The following ATP10B variants were observed in gnomAD, a reference collection of about 807,000 sequenced individuals.
The protein encoded by ATP10B is phospholipid-transporting ATPase VB.
ATP10B carries 122 observed loss-of-function variants against 141.2 expected under a neutral mutation model. The ratio of observed to expected loss-of-function variants is 0.86; its 90% CI spans 0.75 to 1.00. The LOEUF (loss-of-function observed/expected upper bound fraction) is 1.00, where lower values mean the gene tolerates loss of function less well. Among genes scored for constraint, ATP10B ranks in the 50% least tolerant of loss-of-function variants. The pLI is 0.00. For synonymous variants in ATP10B, 685 were observed against 692.0 expected (o/e 0.99, Z 0.16); for missense variants, 1,876 against 1,825.3 (o/e 1.03, Z -0.51).
chr5:160,762,287 A>T (rs1439866051), intron 2 of ATP10B, among the ~76,000 whole-genome samples: 1 of 152,210 alleles, frequency 6.6e-6, no homozygotes, highest in Non-Finnish European at 1.5e-5. Context: ...GTCAGGATGA[A>T]GGAAAGAATC....
chr5:160,864,298 A>G, the ATP10B span, among the ~76,000 whole-genome samples: 1 of 152,068 alleles, frequency 6.6e-6, no homozygotes, highest in African/African-American at 2.4e-5. Flanking sequence ...TAAATGTGAT[A>G]CATTACATAA....
rs1363223759 is a variant in ATP10B, at chr5:160,565,024, T to G, written c.*429A>C. The G allele has an allele frequency of 5.9e-6, 1 of 170,938 alleles. No homozygotes were observed. Among genetic ancestry groups the G allele is most frequent in the African/African-American group, 2.4e-5 (1 of 41,748 alleles). The allele number at this position is 170,938 out of a possible 1,614,324, so 10.6% of individuals were successfully genotyped here. ...TATGTGCACAAGTCTCTTCTGAAACTTTAACTCTGGGCACTGAGGGGTAAA... is the reference window on the plus strand; with the variant it reads ...TATGTGCACAAGTCTCTTCTGAAACGTTAACTCTGGGCACTGAGGGGTAAA... On this transcript the variant is annotated 3_prime_UTR_variant, in exon 26 of 26. Coordinates refer to ENST00000327245, the MANE Select transcript of ATP10B (RefSeq NM_025153.3).
chr5:160,781,724 C>A (rs1424357011), intron 2 of ATP10B, among the ~76,000 whole-genome samples: 1 of 152,140 alleles, frequency 6.6e-6, no homozygotes, highest in Non-Finnish European at 1.5e-5. Flanking sequence ...TATAAAGTCA[C>A]ATGTCCAAGT....
chr5:160,834,845 G>T (rs1271627796), intron 1 of ATP10B, among the ~76,000 whole-genome samples: 1 of 152,034 alleles, frequency 6.6e-6, no homozygotes, highest in Non-Finnish European at 1.5e-5. Flanking sequence ...GTAAGACCTT[G>T]GTATCTTCAA....
chr5:160,567,964 A>G (rs1310894295), intron 25 of ATP10B, among the ~76,000 whole-genome samples: 1 of 152,212 alleles, frequency 6.6e-6, no homozygotes, highest in African/African-American at 2.4e-5. Context: ...TACGTAGTGG[A>G]TAGAACTGTC....
chr5:160,660,173 A>G (rs1761813192), intron 7 of ATP10B, among the ~76,000 whole-genome samples: 1 of 152,234 alleles, frequency 6.6e-6, no homozygotes, highest in Non-Finnish European at 1.5e-5. Flanking sequence ...ATCTAGATGT[A>G]TTTAATCTTA....
intron 21 of ATP10B, among the ~76,000 whole-genome samples, chr5:160,600,253 G>A (rs1003161620): frequency 1.2e-4 from 18 of 152,228 alleles, no homozygotes; most frequent in African/African-American, 4.3e-4. Context: ...AGAATCCAAG[G>A]TTCTGACATA....
intron 2 of ATP10B, among the ~76,000 whole-genome samples, chr5:160,740,316 A>G (rs576396685): frequency 6.6e-6 from 1 of 152,352 alleles, no homozygotes; most frequent in African/African-American, 2.4e-5. Context: ...TTTTGCATAT[A>G]CTATAACTTC....
intron 3 of ATP10B, among the ~76,000 whole-genome samples, chr5:160,693,094 G>A (rs1373017277): frequency 6.6e-6 from 1 of 151,936 alleles, no homozygotes; most frequent in African/African-American, 2.4e-5. Context: ...TGTTTTTCAA[G>A]TGTAAATGGT....
chr5:160,894,255 C>T, the ATP10B span, among the ~76,000 whole-genome samples: 14,936 of 151,850 alleles, frequency 0.098, 838 homozygotes, highest in Non-Finnish European at 0.12. Flanking sequence ...CAAACTCCTC[C>T]GAGCTAAAGC....
chr5:160,870,012 A>G, the ATP10B span, among the ~76,000 whole-genome samples: 8 of 152,170 alleles, frequency 5.3e-5, no homozygotes, highest in African/African-American at 1.9e-4. Flanking sequence ...CTGCCCTCAG[A>G]GGAGGTTAGC....
At chr5:160,635,305 G>C (rs769481294) in intron 11 of ATP10B, among the ~76,000 whole-genome samples, 4 of 152,048 alleles carry the variant, frequency 2.6e-5, no homozygotes, top group African/African-American at 4.8e-5. Context: ...TGGGGGTGGC[G>C]TTTGGGGAGT....
At chr5:160,892,201 T>G in the ATP10B span, among the ~76,000 whole-genome samples, 2 of 152,170 alleles carry the variant, frequency 1.3e-5, no homozygotes, top group African/African-American at 2.4e-5. Context: ...AGCTCCAAGC[T>G]CCTTCCAAGG....
intron 7 of ATP10B, among the ~76,000 whole-genome samples, chr5:160,666,163 G>A (rs1243830426): frequency 1.3e-5 from 2 of 152,194 alleles, no homozygotes; most frequent in African/African-American, 4.8e-5. Context: ...GGAAGCACTG[G>A]AGATGGCGCC....
intron 2 of ATP10B, among the ~76,000 whole-genome samples, chr5:160,779,436 CTCT>C (rs1237952104): frequency 6.6e-6 from 1 of 152,280 alleles, no homozygotes; most frequent in East Asian, 1.9e-4. Context: ...ACCTCTCTTA[CTCT>C]TCTTGTGTAT....
intron 7 of ATP10B, among the ~76,000 whole-genome samples, chr5:160,666,073 C>A (rs772451306): frequency 7.2e-5 from 11 of 152,046 alleles, no homozygotes; most frequent in Non-Finnish European, 1.3e-4. Flanking sequence ...TTAAAATAGA[C>A]AATGCATGTA....
chr5:160,915,930 A>G, the ATP10B span, among the ~76,000 whole-genome samples: 2 of 152,140 alleles, frequency 1.3e-5, no homozygotes, highest in East Asian at 3.9e-4. Context: ...GCATACTGTA[A>G]AAATCACACA....
At chr5:160,693,648 T>A (rs1764207701) in intron 3 of ATP10B, among the ~76,000 whole-genome samples, 1 of 152,196 alleles carries the variant, frequency 6.6e-6, no homozygotes, top group South Asian at 2.1e-4. Flanking sequence ...CACCAGGGAC[T>A]GGTTTCATGG....
chr5:160,769,363 C>T (rs1480543715), intron 2 of ATP10B, among the ~76,000 whole-genome samples: 1 of 152,140 alleles, frequency 6.6e-6, no homozygotes, highest in African/African-American at 2.4e-5. Context: ...GGAATTGGGA[C>T]GGGGCCCACA....
Sources: allele counts gnomAD v4.1 joint callset (sites outside exome capture counted in the v4.1 genomes callset), GRCh38; gene constraint gnomAD v4.1.1; transcripts MANE v1.5; gene names NCBI Gene and HGNC (gene_info 2026-07-23, HGNC 2026-07-21).